RUNDC3B: variants seen among roughly 807,000 people sequenced by gnomAD.
The protein encoded by RUNDC3B is RUN domain containing 3B.
RUNDC3B carries 33 observed loss-of-function variants against 58.4 expected under a neutral mutation model. That is an observed-to-expected ratio of 0.56 (90% CI 0.43 to 0.75). The LOEUF (loss-of-function observed/expected upper bound fraction) is 0.75. RUNDC3B is among the 30% of genes least tolerant of loss of function. The pLI is 0.00. For synonymous variants in RUNDC3B, 193 were observed against 195.2 expected (o/e 0.99, Z 0.10); for missense variants, 501 against 535.7 (o/e 0.94, Z 0.64).
In RUNDC3B at chr7:87,777,314, G is replaced by A. The variant is rs530094449; in HGVS notation, c.799-484G>A. 6.6e-5 allele frequency among the ~76,000 whole-genome samples: 10 copies of A among 152,332 alleles called. No homozygotes were observed. The South Asian group carries it at 1.9e-3, about 28-fold the overall frequency. ...TGAAACTGTGGCACAGAGAGCTTAA[G>A]TAACTTGCCCAAGGACACATAGCTG... On this transcript the variant is annotated intron_variant, in intron 7 of 10. Coordinates refer to ENST00000394654, the MANE Select transcript of RUNDC3B (RefSeq NM_001134405.2).
At position 87,737,303 on chromosome 7, in the gene RUNDC3B, C is replaced by T. The variant is rs576648717; in HGVS notation, c.459-2488C>T. On this transcript the variant is annotated intron_variant, in intron 4 of 10. Transcript: ENST00000394654. Reference sequence around the variant, plus strand: ...GTCATCTCAGGCTTTACTCCTGGCTCATTTATTTTATGATCTTGGTTATAT... The same window carrying T: ...GTCATCTCAGGCTTTACTCCTGGCTTATTTATTTTATGATCTTGGTTATAT... Among the ~76,000 whole-genome samples the T allele has an allele frequency of 5.9e-5, 9 of 152,130 alleles. No homozygotes were observed. The East Asian group carries it at 1.4e-3, about 23-fold the overall frequency.
chr7:87,674,004 T>A (rs921991133), intron 2 of RUNDC3B, among the ~76,000 whole-genome samples: 1 of 152,202 alleles, frequency 6.6e-6, no homozygotes, highest in Admixed American at 6.5e-5. Flanking sequence ...TCCTCGGCTG[T>A]GTGCTATAAC....
intron 4 of RUNDC3B, among the ~76,000 whole-genome samples, chr7:87,738,614 G>A (rs527970527): frequency 8.7e-4 from 132 of 151,932 alleles, no homozygotes; most frequent in African/African-American, 3.0e-3. Flanking sequence ...TTTACGAAAC[G>A]TAGATTTAAT....
chr7:87,643,909 A>G (rs150643705), intron 1 of RUNDC3B, among the ~76,000 whole-genome samples: 5 of 152,048 alleles, frequency 3.3e-5, no homozygotes, highest in African/African-American at 1.2e-4. Context: ...CCCAGGCTGG[A>G]GTGCACTGGC....
At position 87,650,873 on chromosome 7, in the gene RUNDC3B, T is replaced by C. The variant is rs780988022; in HGVS notation, c.174T>C (p.Asp58=). The part of the protein sequence containing the change: ...IDRSCFETID[D]SSPEFNNFAA... ...GGTCTTGCTTTGAGACAATTGATGATTCTTCTCCTGAATTTAACAATTTTG... is the reference window on the plus strand; with the variant it reads ...GGTCTTGCTTTGAGACAATTGATGACTCTTCTCCTGAATTTAACAATTTTG... Residue 58 remains aspartate, a synonymous_variant, in exon 2 of 11, where the codon GAT becomes GAC. Coordinates refer to ENST00000394654, the MANE Select transcript of RUNDC3B (RefSeq NM_001134405.2). 2 of 1,613,332 alleles carry C rather than the reference T, an allele frequency of 1.2e-6. No individual in the cohort carries two copies. The highest frequency in any genetic ancestry group is 1.7e-6 in the Non-Finnish European group (2 of 1,179,446).
rs1447898367 is a variant in RUNDC3B, at chr7:87,830,887, G to T, written c.*857G>T. 2 of 151,488 alleles carry T rather than the reference G, an allele frequency of 1.3e-5. No homozygotes were observed. Among genetic ancestry groups the T allele is most frequent in the Non-Finnish European group, 3.0e-5 (2 of 67,704 alleles). The allele number at this position is 151,488 out of a possible 1,614,324, so 9.4% of individuals were successfully genotyped here. Reference sequence around the variant, plus strand: ...AAGGATTTGAGAGGCTTTTAAACAAGGATCAGTAGGATAGTTATCATATTT... The same window carrying T: ...AAGGATTTGAGAGGCTTTTAAACAATGATCAGTAGGATAGTTATCATATTT... On this transcript the variant is annotated 3_prime_UTR_variant, in exon 11 of 11. Transcript: ENST00000394654.
chr7:87,700,951 C>A (rs1329812087), intron 3 of RUNDC3B, among the ~76,000 whole-genome samples: 1 of 152,196 alleles, frequency 6.6e-6, no homozygotes, highest in African/African-American at 2.4e-5. Flanking sequence ...TTCTTCCCCA[C>A]CATGCACTCA....
At chr7:87,723,449 T>C (rs1364498259) in intron 4 of RUNDC3B, among the ~76,000 whole-genome samples, 1 of 152,204 alleles carries the variant, frequency 6.6e-6, no homozygotes, top group African/African-American at 2.4e-5. Context: ...CTTATGATTC[T>C]TTTGAGAATT....
chr7:87,814,685 A>G (rs1836935119), intron 9 of RUNDC3B, among the ~76,000 whole-genome samples: 1 of 152,216 alleles, frequency 6.6e-6, no homozygotes, highest in South Asian at 2.1e-4. Flanking sequence ...TGCACATTAC[A>G]TAGCTCATAT....
rs532876430 is a variant in RUNDC3B at position 87,753,193 on chromosome 7, A to T, written c.629+11614A>T. On this transcript the variant is annotated intron_variant, in intron 6 of 10. Transcript: ENST00000394654. ...ATGTAGTTGAGCGGTTTTGAGTGAG[A>T]TTCTTAATCCTGAGTTCTAGTTTGA... is the stretch of plus-strand genomic sequence containing the variant. 3.8e-3 allele frequency among the ~76,000 whole-genome samples: 567 copies of T among 150,148 alleles called. 10 individuals carry two copies. Among genetic ancestry groups the T allele is most frequent in the African/African-American group, 0.013 (532 of 40,968 alleles).
chr7:87,752,031 C>A (rs925694050), intron 6 of RUNDC3B, among the ~76,000 whole-genome samples: 1 of 152,110 alleles, frequency 6.6e-6, no homozygotes, highest in Non-Finnish European at 1.5e-5. Flanking sequence ...TAGCTGTTAT[C>A]ATTTTGAAAT....
chr7:87,629,195 G>A (rs983662875), intron 1 of RUNDC3B: 3 of 376,232 alleles, frequency 8.0e-6, no homozygotes, highest in African/African-American at 4.1e-5. Flanking sequence ...GGCGGGGCTG[G>A]AGGAGGATTT....
At chr7:87,646,535 T>C (rs1823020690) in intron 1 of RUNDC3B, among the ~76,000 whole-genome samples, 1 of 152,178 alleles carries the variant, frequency 6.6e-6, no homozygotes, top group Non-Finnish European at 1.5e-5. Flanking sequence ...ATTCCTTCCT[T>C]GAGCAGTGTG....
intron 2 of RUNDC3B, among the ~76,000 whole-genome samples, chr7:87,653,263 C>T (rs1823758338): frequency 6.6e-6 from 1 of 152,058 alleles, no homozygotes; most frequent in Admixed American, 6.6e-5. Flanking sequence ...CATAATACTT[C>T]TCTCCACCCT....
At chr7:87,694,663 G>A (rs927430211) in intron 2 of RUNDC3B, among the ~76,000 whole-genome samples, 1 of 152,044 alleles carries the variant, frequency 6.6e-6, no homozygotes, top group Non-Finnish European at 1.5e-5. Flanking sequence ...TCAGGAGTAC[G>A]CATTTATGTG....
At chr7:87,732,000 G>T (rs1831606447) in intron 4 of RUNDC3B, among the ~76,000 whole-genome samples, 1 of 152,014 alleles carries the variant, frequency 6.6e-6, no homozygotes, top group African/African-American at 2.4e-5. Flanking sequence ...CATTTTGAAG[G>T]GTATGTTATG....
At chr7:87,665,878 T>G (rs1030224555) in intron 2 of RUNDC3B, among the ~76,000 whole-genome samples, 2 of 152,162 alleles carry the variant, frequency 1.3e-5, no homozygotes, top group Non-Finnish European at 2.9e-5. Flanking sequence ...GATCTCATTC[T>G]TTTTTATAGC....
intron 10 of RUNDC3B, among the ~76,000 whole-genome samples, chr7:87,817,415 G>A (rs1175882537): frequency 1.3e-5 from 2 of 152,132 alleles, no homozygotes; most frequent in East Asian, 3.8e-4. Flanking sequence ...ATGGCAATTA[G>A]AATAAAATCC....
intron 3 of RUNDC3B, 60 bp downstream of exon 3, chr7:87,700,614 G>A: frequency 2.0e-6 from 3 of 1,491,038 alleles, no homozygotes; most frequent in Non-Finnish European, 2.7e-6. Flanking sequence ...ATTTGGAATA[G>A]CAGGAAGGTG....
Sources: allele counts gnomAD v4.1 joint callset (sites outside exome capture counted in the v4.1 genomes callset), GRCh38; gene constraint gnomAD v4.1.1; transcripts MANE v1.5; gene names NCBI Gene and HGNC (gene_info 2026-07-23, HGNC 2026-07-21).